Variants in XYLT1 observed in about 807,000 individuals in gnomAD.
XYLT1 encodes the protein beta-D-xylosyltransferase 1.
In XYLT1, 36 loss-of-function variants were observed where a neutral mutation model predicts 91.3. The ratio of observed to expected loss-of-function variants is 0.39; its 90% CI spans 0.30 to 0.52. The LOEUF (loss-of-function observed/expected upper bound fraction) is 0.52. XYLT1 is among the 20% of genes least tolerant of loss of function. The probability of loss-of-function intolerance (pLI) is 0.68; values close to 1 mark genes in which losing one functional copy is unlikely to be tolerated. For synonymous variants in XYLT1, 588 were observed against 532.0 expected, an observed-to-expected ratio of 1.11 and a Z score of -1.45; for missense variants, 1,242 against 1,284.5, an observed-to-expected ratio of 0.97 and a Z score of 0.51.
At chr16:17,301,841 C>T (rs1476945187) in intron 2 of XYLT1, among the ~76,000 whole-genome samples, 1 of 152,188 alleles carries the variant, frequency 6.6e-6, no homozygotes, top group Non-Finnish European at 1.5e-5. Context: ...GTCTCTCTCT[C>T]AGACTAAGAG....
At chr16:17,147,058 G>C (rs796273512) in intron 6 of XYLT1, among the ~76,000 whole-genome samples, 35 of 152,298 alleles carry the variant, frequency 2.3e-4, no homozygotes, top group African/African-American at 7.5e-4. Context: ...CCCTATAGGG[G>C]TCAGACAGAC....
chr16:17,453,992 C>T (rs1187037306), intron 1 of XYLT1, among the ~76,000 whole-genome samples: 2 of 152,154 alleles, frequency 1.3e-5, no homozygotes, highest in Non-Finnish European at 1.5e-5. Context: ...ACTGTTTCTA[C>T]GGACTCTGAA....
chr16:17,358,078 T>G (rs1353342103), intron 1 of XYLT1, 28 bp from the exon 2 acceptor site: 1 of 1,605,408 alleles, frequency 6.2e-7, no homozygotes, highest in Non-Finnish European at 8.5e-7. Flanking sequence ...AAAATGCACG[T>G]GAGGAGTGAA....
intron 1 of XYLT1, among the ~76,000 whole-genome samples, chr16:17,384,835 C>T (rs146308082): frequency 1.3e-5 from 2 of 151,968 alleles, no homozygotes; most frequent in Admixed American, 6.6e-5. Context: ...TTTGACAGCA[C>T]CGGTATGTAA....
intron 2 of XYLT1, among the ~76,000 whole-genome samples, chr16:17,294,235 G>A (rs1156762824): frequency 6.6e-6 from 1 of 152,076 alleles, no homozygotes; most frequent in Non-Finnish European, 1.5e-5. Context: ...GGAGGTTTCT[G>A]GAAAAGCCAG....
chr16:17,135,693 T>TATCA (rs1277754539), intron 8 of XYLT1, among the ~76,000 whole-genome samples: 1 of 152,154 alleles, frequency 6.6e-6, no homozygotes, highest in African/African-American at 2.4e-5. Context: ...AGCAAGTCAC[T>TATCA]ATCAGAGATG....
chr16:17,321,711 T>C (rs1023947575), intron 2 of XYLT1, among the ~76,000 whole-genome samples: 1 of 152,112 alleles, frequency 6.6e-6, no homozygotes, highest in Non-Finnish European at 1.5e-5. Context: ...AATTTTGCCC[T>C]GTAGGGGACA....
At chr16:17,297,983 T>C (rs1239015208) in intron 2 of XYLT1, among the ~76,000 whole-genome samples, 12 of 150,284 alleles carry the variant, frequency 8.0e-5, no homozygotes, top group African/African-American at 2.7e-4. Flanking sequence ...ATCGCGCCAC[T>C]GCACTCCAGC....
In XYLT1 at chr16:17,108,914, C is replaced by T. The variant is rs1204890649; in HGVS notation, c.2661G>A (p.Gln887=). ...PVLSLPINPA[Q]VEQARRNAAS... ...CTGCGTTCCTCCGTGCCTGTTCCAC[C>T]TGGGCGGGGTTGATGGGCAGGCTGA... Residue 887 remains glutamine, a synonymous_variant, in exon 12 of 12, where the codon CAG becomes CAA. Coordinates refer to ENST00000261381, the MANE Select transcript of XYLT1 (RefSeq NM_022166.4). 6.2e-7 allele frequency: 1 copy of T among 1,604,368 alleles called. No individual in the cohort carries two copies.
chr16:17,150,088 T>C (rs964267801), intron 6 of XYLT1, among the ~76,000 whole-genome samples: 15 of 152,154 alleles, frequency 9.9e-5, no homozygotes, highest in African/African-American at 3.6e-4. Flanking sequence ...CAGAAGTCCT[T>C]GTTTTAGTTG....
rs2030643748 is a variant in XYLT1 at position 17,134,733 on chromosome 16, C to G, written c.1767G>C (p.Gln589His). Residue 589 changes from glutamine (Q) to histidine (H), a missense_variant and splice_region_variant, in exon 9 of 12, where the codon CAG becomes CAC. By Grantham distance (24) the Gln-to-His change is conservative. Around this residue, in one of 3 missense-constraint regions of XYLT1, gnomAD observed 511 missense variants for 497.0 expected, o/e 1.03. Transcript: ENST00000261381. Reference sequence around the variant, plus strand: ...GGGCAAAGAAGGTAGGCCGGGCTGTCTGCTGTACTCATGGGATTAAAAATA... The same window carrying G: ...GGGCAAAGAAGGTAGGCCGGGCTGTGTGCTGTACTCATGGGATTAAAAATA... ...FKPQDFHRFQQTARPTFFARK... is the reference protein window; with the variant it reads ...FKPQDFHRFQHTARPTFFARK... 1 of 1,613,984 alleles carries G rather than the reference C, an allele frequency of 6.2e-7. No homozygotes were observed. The highest frequency in any genetic ancestry group is 1.3e-5 in the African/African-American group (1 of 75,038).
intron 2 of XYLT1, among the ~76,000 whole-genome samples, chr16:17,280,209 G>C (rs992112593): frequency 1.3e-5 from 2 of 152,200 alleles, no homozygotes; most frequent in East Asian, 3.8e-4. Flanking sequence ...AAATTATCCA[G>C]GCATGGCGGC....
chr16:17,150,470 C>T (rs375147244), intron 6 of XYLT1, among the ~76,000 whole-genome samples: 42 of 152,256 alleles, frequency 2.8e-4, no homozygotes, highest in Middle Eastern at 3.4e-3. Context: ...AGACAAAAAG[C>T]GTAAATAATA....
rs544116673 is a variant in XYLT1 at position 17,313,708 on chromosome 16, T to C, written c.402+44304A>G. On this transcript the variant is annotated intron_variant, in intron 2 of 11. Coordinates refer to ENST00000261381, the MANE Select transcript of XYLT1 (RefSeq NM_022166.4). ...ACCATTAAAAAAAAAAAAAAGTTCA[T>C]AGGAATCCATGATAGCATTGGGAGT... Among the ~76,000 whole-genome samples, 17 of 150,304 alleles carry C rather than the reference T, an allele frequency of 1.1e-4. No homozygotes were observed. The South Asian group carries it at 1.9e-3, about 17-fold the overall frequency.
At chr16:17,298,656 G>T (rs1031803686) in intron 2 of XYLT1, among the ~76,000 whole-genome samples, 1 of 152,118 alleles carries the variant, frequency 6.6e-6, no homozygotes, top group Admixed American at 6.6e-5. Context: ...GTCTTCACCC[G>T]GCAGGGAAGG....
chr16:17,138,055 G>A (rs2030814879), intron 8 of XYLT1, among the ~76,000 whole-genome samples: 2 of 150,536 alleles, frequency 1.3e-5, no homozygotes, highest in African/African-American at 4.9e-5. Flanking sequence ...TATGAGTATG[G>A]CCTTTGGAAA....
intron 1 of XYLT1, among the ~76,000 whole-genome samples, chr16:17,405,720 C>T (rs1448104629): frequency 2.6e-5 from 4 of 152,180 alleles, no homozygotes; most frequent in African/African-American, 9.7e-5. Context: ...CTGAGACAAC[C>T]TCAAGGTAGG....
intron 5 of XYLT1, among the ~76,000 whole-genome samples, chr16:17,176,173 G>A (rs931448709): frequency 6.6e-6 from 1 of 152,190 alleles, no homozygotes; most frequent in African/African-American, 2.4e-5. Flanking sequence ...CCTTACTTCA[G>A]TAAGTACTTA....
chr16:17,436,151 G>A lies in XYLT1; in HGVS notation c.363+34283C>T, dbSNP rs143639448. On this transcript the variant is annotated intron_variant, in intron 1 of 11. Transcript: ENST00000261381. ...TAAGACATGACTTTGCTCCTCGTTC[G>A]CCTTCTGCCATGATTGTGCGGCCTC... Among the ~76,000 whole-genome samples the A allele has an allele frequency of 3.1e-3, 466 of 152,220 alleles. 4 individuals are homozygous for A. Among genetic ancestry groups the A allele is most frequent in the African/African-American group, 1.0e-2 (415 of 41,520 alleles).
Sources: allele counts gnomAD v4.1 joint callset (sites outside exome capture counted in the v4.1 genomes callset), GRCh38; gene constraint gnomAD v4.1.1; regional missense constraint gnomAD v4.1.1; transcripts MANE v1.5; gene names NCBI Gene and HGNC (gene_info 2026-07-23, HGNC 2026-07-21).